ALS2: variants seen among roughly 807,000 people sequenced by gnomAD.
ALS2 encodes the protein alsin Rho guanine nucleotide exchange factor ALS2, also known as alsin.
In ALS2, 117 loss-of-function variants were observed where a neutral mutation model predicts 203.4. The ratio of observed to expected loss-of-function variants is 0.58; its 90% CI spans 0.50 to 0.67. ALS2 has a LOEUF of 0.67. ALS2 is among the 30% of genes least tolerant of loss of function. ALS2 has a pLI of 0.00. For synonymous variants in ALS2, 718 were observed against 725.9 expected (o/e 0.99, Z 0.17); for missense variants, 1,715 against 1,989.4 (o/e 0.86, Z 2.62).
intron 13 of ALS2, among the ~76,000 whole-genome samples, chr2:201,731,938 T>A (rs1691582439): frequency 6.6e-6 from 1 of 152,164 alleles, no homozygotes; most frequent in African/African-American, 2.4e-5. Flanking sequence ...TGGGAGTGTT[T>A]CAGGAAGGAA....
At chr2:201,710,733 A>T (rs1183656402) in intron 26 of ALS2, among the ~76,000 whole-genome samples, 4 of 152,232 alleles carry the variant, frequency 2.6e-5, no homozygotes, top group African/African-American at 9.6e-5. Context: ...GTTATTAACA[A>T]AAAGCAATTT....
At chr2:201,704,970 T>C (rs374097931) in intron 31 of ALS2, among the ~76,000 whole-genome samples, 169 bp downstream of exon 31, 4 of 152,216 alleles carry the variant, frequency 2.6e-5, no homozygotes, top group African/African-American at 9.6e-5. Flanking sequence ...GAGTAAAAGA[T>C]AACCCAAGGG....
At chr2:201,738,780 T>C (rs185595553) in intron 11 of ALS2, 45 bp from the exon 12 acceptor site, 2 of 1,509,512 alleles carry the variant, frequency 1.3e-6, no homozygotes, top group African/African-American at 1.4e-5. Context: ...GAAATGTAAA[T>C]TAGTTCTTCA....
Position 201,754,418 on chromosome 2 carries a change from G to A in ALS2, c.1640+85C>T, listed in dbSNP as rs563945265. On this transcript the variant is annotated intron_variant, in intron 6 of 33. Coordinates refer to ENST00000264276, the MANE Select transcript of ALS2 (RefSeq NM_020919.4). ...CTAGAAGAGCCCAGATTTCCTCTAT[G>A]AGGAAAGTGAGATTTAGAGACCTTC... 4.1e-4 allele frequency: 635 copies of A among 1,542,526 alleles called. 5 individuals carry two copies. Among genetic ancestry groups the A allele is most frequent in the Non-Finnish European group, 4.1e-5 (46 of 1,115,332 alleles).
intron 5 of ALS2, among the ~76,000 whole-genome samples, chr2:201,756,839 C>A (rs1574776762): frequency 1.3e-5 from 2 of 152,194 alleles, no homozygotes; most frequent in African/African-American, 4.8e-5. Flanking sequence ...TGAGAGTCTG[C>A]GTTTGTAACA....
intron 25 of ALS2, 63 bp from the exon 26 acceptor site, chr2:201,711,171 A>C: frequency 9.5e-7 from 1 of 1,053,192 alleles, no homozygotes; most frequent in Non-Finnish European, 1.5e-6. Context: ...ACGTGTAAAT[A>C]CTCACATGAA....
At chr2:201,706,780 T>A in intron 29 of ALS2, 66 bp downstream of exon 29, 1 of 1,579,266 alleles carries the variant, frequency 6.3e-7, no homozygotes, top group Non-Finnish European at 8.7e-7. Flanking sequence ...AGTGCCAAAT[T>A]TCCAATAATG....
At chr2:201,757,783 T>A (rs1693489386) in intron 4 of ALS2, 24 bp from the exon 5 acceptor site, 1 of 1,535,158 alleles carries the variant, frequency 6.5e-7, no homozygotes, top group East Asian at 2.3e-5. Context: ...ACATAAAAAA[T>A]TATATAAAAA....
intron 23 of ALS2, among the ~76,000 whole-genome samples, chr2:201,719,459 C>T (rs1364568362): frequency 1.3e-5 from 2 of 152,112 alleles, no homozygotes; most frequent in African/African-American, 2.4e-5. Context: ...CACGGTGGCA[C>T]GTGCCTGTAA....
chr2:201,776,603 G>C (rs1483470418), intron 1 of ALS2, among the ~76,000 whole-genome samples: 1 of 152,064 alleles, frequency 6.6e-6, no homozygotes, highest in Non-Finnish European at 1.5e-5. Flanking sequence ...GGTAAGTCCT[G>C]ACACAAACTA....
rs775784244 is a variant in ALS2 at position 201,705,179 on chromosome 2, C to T, written c.4648G>A (p.Ala1550Thr). 2 of 1,613,958 alleles carry T rather than the reference C, an allele frequency of 1.2e-6. No individual in the cohort carries two copies. The highest frequency in any genetic ancestry group is 4.5e-5 in the East Asian group (2 of 44,862). The stretch of plus-strand genomic sequence containing the variant: ...CATTCTACTGCTGAGGCAAAACAAG[C>T]ATCTTTCGTGGTTGGCAAAACCTGC... ...SKKVLPTTKD[A>T]CFASAVECLQ... The change falls in exon 31 of 34, where the codon GCT becomes ACT. Residue 1550 changes from alanine (A) to threonine (T), a missense_variant. Ala to Thr is a moderately conservative substitution (Grantham distance 58, BLOSUM62 0). This residue lies in a region of ALS2 where 1,227 missense variants were observed against 1,413.5 expected (regional missense o/e 0.87). Coordinates refer to ENST00000264276, the MANE Select transcript of ALS2 (RefSeq NM_020919.4).
At chr2:201,753,971 C>A (rs1276621513) in intron 6 of ALS2, among the ~76,000 whole-genome samples, 1 of 151,880 alleles carries the variant, frequency 6.6e-6, no homozygotes, top group Admixed American at 6.6e-5. Context: ...TGGAAAAGCG[C>A]ACCATGGATA....
In ALS2 at chr2:201,726,704, T is replaced by C. The variant is rs1350865593; in HGVS notation, c.3142A>G (p.Thr1048Ala). 1 of 1,614,200 alleles carries C rather than the reference T, an allele frequency of 6.2e-7. No homozygotes were observed. Among genetic ancestry groups the C allele is most frequent in the South Asian group, 1.1e-5 (1 of 91,086 alleles). ...CCTGAAAGCCAGCGTCCATCATAGG[T>C]GGCATCCTTTAGGCGAGGATCCTTG... The part of the protein sequence containing the change: ...FYKDPRLKDA[T>A]YDGRWLSGKP... Residue 1048 changes from threonine to alanine, a missense_variant, in exon 18 of 34, where the codon ACC becomes GCC. Around this residue, in one of 3 missense-constraint regions of ALS2, gnomAD observed 1,227 missense variants for 1,413.5 expected, o/e 0.87. Transcript: ENST00000264276.
At chr2:201,752,789 T>A (rs1406517141) in intron 7 of ALS2, among the ~76,000 whole-genome samples, 1 of 152,200 alleles carries the variant, frequency 6.6e-6, no homozygotes, top group Non-Finnish European at 1.5e-5. Context: ...ATTTTCTTAG[T>A]GTTTTACTAT....
chr2:201,714,372 T>A (rs1212775619), intron 25 of ALS2, among the ~76,000 whole-genome samples: 1 of 152,216 alleles, frequency 6.6e-6, no homozygotes, highest in Non-Finnish European at 1.5e-5. Flanking sequence ...CTAGTGGGCT[T>A]CCCTGGGCAG....
At chr2:201,742,566 T>G (rs2106046624) in intron 10 of ALS2, among the ~76,000 whole-genome samples, 1 of 152,334 alleles carries the variant, frequency 6.6e-6, no homozygotes, top group African/African-American at 2.4e-5. Flanking sequence ...TCCAGGAAGC[T>G]TCCAGCTTAG....
At position 201,728,591 on chromosome 2, in the gene ALS2, C is replaced by T. The variant is rs761741758; in HGVS notation, c.2762G>A (p.Arg921Gln). 1.6e-5 allele frequency: 26 copies of T among 1,613,970 alleles called. 1 individual carries two copies. The South Asian group carries it at 2.1e-4, about 13-fold the overall frequency. ...CCCAGCATGCTGCAGAGACAGGGCTCGGTTACTACTCTCACACAGCAGTCG... is the reference window on the plus strand; with the variant it reads ...CCCAGCATGCTGCAGAGACAGGGCTTGGTTACTACTCTCACACAGCAGTCG... ...ERRLLCESSN[R>Q]ALSLQHAGRF... Residue 921 changes from arginine to glutamine, a missense_variant, in exon 15 of 34, where the codon CGA (arginine) becomes CAA (glutamine). Arg to Gln is a conservative substitution (Grantham distance 43, BLOSUM62 1). Around this residue, in one of 3 missense-constraint regions of ALS2, gnomAD observed 1,227 missense variants for 1,413.5 expected, o/e 0.87. Transcript: ENST00000264276.
chr2:201,741,582 C>G, intron 11 of ALS2, 92 bp downstream of exon 11: 3 of 1,307,316 alleles, frequency 2.3e-6, no homozygotes, highest in Non-Finnish European at 3.3e-6. Context: ...TTATATCACT[C>G]TCCCTAATCT....
intron 5 of ALS2, among the ~76,000 whole-genome samples, chr2:201,756,964 T>C (rs537987197): frequency 4.2e-4 from 64 of 152,322 alleles, no homozygotes; most frequent in East Asian, 2.3e-3. Flanking sequence ...AACTGCATAA[T>C]ATTCTAAAAA....
Sources: gnomAD v4.1 joint callset for allele counts (sites outside exome capture counted in the v4.1 genomes callset) on GRCh38, gnomAD v4.1.1 for gene constraint, gnomAD v4.1.1 regional missense constraint, MANE v1.5 for transcripts, NCBI Gene and HGNC (gene_info 2026-07-23, HGNC 2026-07-21) for gene names.